Variants in PTPRN2 observed in about 807,000 individuals in gnomAD.
PTPRN2 encodes receptor-type tyrosine-protein phosphatase N2.
Under a neutral mutation model 118.8 loss-of-function variants are expected in PTPRN2, and 74 were observed. That is an observed-to-expected ratio of 0.62 (90% CI 0.52 to 0.76). The LOEUF is 0.76. PTPRN2 is among the 30% of genes least tolerant of loss of function. The pLI is 0.00. For synonymous variants in PTPRN2, 641 were observed against 608.0 expected (o/e 1.05, Z -0.80); for missense variants, 1,481 against 1,394.4 (o/e 1.06, Z -0.99).
At chr7:158,549,997 G>A (rs1333112178) in intron 1 of PTPRN2, among the ~76,000 whole-genome samples, 1 of 152,202 alleles carries the variant, frequency 6.6e-6, no homozygotes, top group Non-Finnish European at 1.5e-5. Flanking sequence ...GCGCCTCGCC[G>A]TCCTCCCCTG....
intron 6 of PTPRN2, among the ~76,000 whole-genome samples, chr7:158,158,798 C>T (rs57871694): frequency 4.7e-5 from 3 of 63,476 alleles, no homozygotes; most frequent in Admixed American, 1.6e-4. Flanking sequence ...GCAAGTGCTT[C>T]CTGAATGAAT....
At chr7:157,859,774 C>T (rs369678660) in intron 12 of PTPRN2, among the ~76,000 whole-genome samples, 33 of 106,898 alleles carry the variant, frequency 3.1e-4, no homozygotes, top group African/African-American at 7.5e-4. Flanking sequence ...GCAGGGAGAG[C>T]CCCCCAGCCA....
chr7:157,776,410 CCT>C (rs1563096615), intron 12 of PTPRN2, among the ~76,000 whole-genome samples: 2 of 46,922 alleles, frequency 4.3e-5, no homozygotes, highest in Non-Finnish European at 9.4e-5. Flanking sequence ...TCCTCCTCCT[CCT>C]CCTCTTCCTC....
At chr7:157,663,209 C>T (rs1023583910) in intron 13 of PTPRN2, among the ~76,000 whole-genome samples, 62 of 152,144 alleles carry the variant, frequency 4.1e-4, no homozygotes, top group Non-Finnish European at 7.8e-4. Flanking sequence ...TGGCAAGGGG[C>T]GAACAGCGCA....
chr7:157,892,926 C>A (rs1796885972), intron 12 of PTPRN2, among the ~76,000 whole-genome samples: 1 of 152,232 alleles, frequency 6.6e-6, no homozygotes, highest in Admixed American at 6.5e-5. Context: ...CCAGCCGTCA[C>A]CTGCATTGCT....
chr7:158,373,703 C>T (rs1314218638), intron 2 of PTPRN2, among the ~76,000 whole-genome samples: 1 of 152,142 alleles, frequency 6.6e-6, no homozygotes, highest in Non-Finnish European at 1.5e-5. Context: ...CAGTTCCCAC[C>T]GGATGAAAGT....
Position 157,984,015 on chromosome 7 carries a change from C to G in PTPRN2, c.1724-85278G>C, listed in dbSNP as rs1803520230. Among the ~76,000 whole-genome samples, 5 of 152,088 alleles carry G rather than the reference C, an allele frequency of 3.3e-5. No homozygotes were observed. In the South Asian group the frequency reaches 1.0e-3, roughly 32 times the overall value. ...GCATCTCTTCCTGACTCGCAGGGGG[C>G]CCGTGAGATGGAGAATCTGCCTGAC... On this transcript the variant is annotated intron_variant, in intron 11 of 22. Transcript: ENST00000389418.
Position 157,749,880 on chromosome 7 carries a change from C to A in PTPRN2, c.1789-66943G>T, listed in dbSNP as rs1638760. Among the ~76,000 whole-genome samples, 645 of 73,250 alleles carry A rather than the reference C, an allele frequency of 8.8e-3. 1 individual carries two copies. Among genetic ancestry groups the A allele is most frequent in the Middle Eastern group, 0.064 (6 of 94 alleles). The allele number at this position is 73,250 out of a possible 152,430, so 48.1% of individuals were successfully genotyped here. A position where few individuals can be genotyped will look rare whatever the true frequency, so the allele number is the denominator to read the frequency against. On this transcript the variant is annotated intron_variant, in intron 12 of 22. Transcript: ENST00000389418. ...GGTGATTCTGAGGCCTGTGTCCCTG[C>A]GCTGTGGGGTGTCTGGGTGATTCTG... is the stretch of plus-strand genomic sequence containing the variant.
chr7:158,159,232 T>A (rs1029324403), intron 6 of PTPRN2, among the ~76,000 whole-genome samples: 1 of 152,228 alleles, frequency 6.6e-6, no homozygotes, highest in Non-Finnish European at 1.5e-5. Context: ...AACTTGGGAA[T>A]AACCACGCGA....
In PTPRN2 at chr7:158,003,094, C is replaced by A. The variant is rs1189798934; in HGVS notation, c.1723+78204G>T. 6.6e-6 allele frequency among the ~76,000 whole-genome samples: 1 copy of A among 152,194 alleles called. No homozygotes were observed. Among genetic ancestry groups the A allele is most frequent in the Non-Finnish European group, 1.5e-5 (1 of 68,034 alleles). On this transcript the variant is annotated intron_variant, in intron 11 of 22. Coordinates refer to ENST00000389418, the MANE Select transcript of PTPRN2 (RefSeq NM_002847.5). The surrounding 1 kb of genome is among the most constrained non-coding windows in gnomAD (Gnocchi z 5.0). ...GGGGAAGCCCTGAACCCTCATGTGA[C>A]TGTACTTGGGGACAGGGCCTCTAAA... is the stretch of plus-strand genomic sequence containing the variant.
At chr7:158,412,958 T>TCAGCACCCTCCTCAGCTCCAGGGCCCATC (rs1159484520) in intron 2 of PTPRN2, among the ~76,000 whole-genome samples, 7 of 53,136 alleles carry the variant, frequency 1.3e-4, no homozygotes, top group African/African-American at 5.5e-4. Context: ...AGGGCCCATC[T>TCAGCACCCTCCTCAGCTCCAGGGCCCATC]CAGCACCCTC....
At chr7:158,327,264 C>CACACGTGCTCACACATGCTCACACATGT (rs1803684231) in intron 2 of PTPRN2, among the ~76,000 whole-genome samples, 1 of 151,230 alleles carries the variant, frequency 6.6e-6, no homozygotes, top group Admixed American at 6.6e-5. Context: ...TTCTCACATG[C>CACACGTGCTCACACATGCTCACACATGT]ACACACGTGC....
chr7:157,689,447 G>A (rs1797361574), intron 12 of PTPRN2, among the ~76,000 whole-genome samples: 1 of 152,186 alleles, frequency 6.6e-6, no homozygotes, highest in African/African-American at 2.4e-5. Flanking sequence ...GCTGTGGCGG[G>A]GCCCCTCTCC....
chr7:158,062,098 C>T (rs1810392529), intron 11 of PTPRN2, among the ~76,000 whole-genome samples: 1 of 152,240 alleles, frequency 6.6e-6, no homozygotes, highest in Non-Finnish European at 1.5e-5. Flanking sequence ...TCTGCAATAG[C>T]CTCAGTAAAG....
chr7:158,372,626 C>T (rs536269988), intron 2 of PTPRN2, among the ~76,000 whole-genome samples: 3 of 149,804 alleles, frequency 2.0e-5, no homozygotes, highest in African/African-American at 2.4e-5. Flanking sequence ...CGCTGGTCCC[C>T]GGAGCTGGTC....
chr7:157,600,444 A>C (rs1421430106), intron 16 of PTPRN2, among the ~76,000 whole-genome samples: 8 of 152,304 alleles, frequency 5.3e-5, no homozygotes, highest in Admixed American at 5.2e-4. Flanking sequence ...TTTTTGAGAC[A>C]GGGTCTTGTT....
rs563350104 is a variant in PTPRN2, at chr7:158,097,617, A to G, written c.1643+13212T>C. On this transcript the variant is annotated intron_variant, in intron 10 of 22. Coordinates refer to ENST00000389418, the MANE Select transcript of PTPRN2 (RefSeq NM_002847.5). ...ATGTGTCTTTGGCATCCTTTTTCCCAGGAGCACTGCCCACCTCCCCGAGAT... is the reference window on the plus strand; with the variant it reads ...ATGTGTCTTTGGCATCCTTTTTCCCGGGAGCACTGCCCACCTCCCCGAGAT... 4.9e-4 allele frequency among the ~76,000 whole-genome samples: 75 copies of G among 152,212 alleles called. No homozygotes were observed. In the South Asian group the frequency reaches 5.6e-3, roughly 11 times the overall value.
chr7:158,166,709 C>T (rs1426606260), intron 6 of PTPRN2, among the ~76,000 whole-genome samples: 8 of 152,182 alleles, frequency 5.3e-5, no homozygotes, highest in South Asian at 4.1e-4. Flanking sequence ...CTGGCCACTG[C>T]GTTCCCAGGA....
At chr7:157,904,393 T>C (rs1032119677) in intron 11 of PTPRN2, among the ~76,000 whole-genome samples, 2 of 152,192 alleles carry the variant, frequency 1.3e-5, no homozygotes, top group Non-Finnish European at 2.9e-5. Flanking sequence ...CCCGTGGCCC[T>C]GCACAGGGTC....
Sources: allele counts gnomAD v4.1 joint callset (sites outside exome capture counted in the v4.1 genomes callset), GRCh38; gene constraint gnomAD v4.1.1; non-coding constraint Gnocchi (gnomAD v3.1); transcripts MANE v1.5; gene names NCBI Gene and HGNC (gene_info 2026-07-23, HGNC 2026-07-21).